The following SVEP1 variants were observed in gnomAD, a reference collection of about 807,000 sequenced individuals.
SVEP1 encodes sushi, von Willebrand factor type A, EGF and pentraxin domain-containing protein 1.
Under a neutral mutation model 367.3 loss-of-function variants are expected in SVEP1, and 164 were observed. The observed-to-expected ratio is 0.45, with a 90% CI of 0.39 to 0.51. The LOEUF is 0.51. SVEP1 is among the 20% of genes least tolerant of loss of function. The pLI, the probability that SVEP1 is intolerant of heterozygous loss-of-function variation, is 0.00. For synonymous variants in SVEP1, 1,666 were observed against 1,611.6 expected (o/e 1.03, Z -0.81); for missense variants, 4,117 against 4,425.3 (o/e 0.93, Z 1.98).
chr9:110,404,664 ATTGATTGT>A (rs1452934868), intron 38 of SVEP1, 112 bp from the exon 39 acceptor site: 1 of 978,336 alleles, frequency 1.0e-6, no homozygotes, highest in Non-Finnish European at 1.6e-6. Context: ...TGTGCAACAT[ATTGATTGT>A]TGCACAATCA....
At chr9:110,492,077 A>G (rs1164623380) in intron 8 of SVEP1, among the ~76,000 whole-genome samples, 1 of 151,594 alleles carries the variant, frequency 6.6e-6, no homozygotes, top group East Asian at 1.9e-4. Flanking sequence ...TGGAAATAAA[A>G]GATGTTCTTG....
chr9:110,402,980 T>C (rs941530077), intron 39 of SVEP1, among the ~76,000 whole-genome samples: 1 of 152,202 alleles, frequency 6.6e-6, no homozygotes, highest in African/African-American at 2.4e-5. Flanking sequence ...CTAGCAATTT[T>C]ATATCACATT....
chr9:110,428,247 A>G (rs1828284136), intron 35 of SVEP1, among the ~76,000 whole-genome samples: 1 of 152,092 alleles, frequency 6.6e-6, no homozygotes, highest in Non-Finnish European at 1.5e-5. Flanking sequence ...TCACATCCCT[A>G]TGCCATGGCT....
intron 18 of SVEP1, among the ~76,000 whole-genome samples, chr9:110,461,786 T>C (rs1051592518): frequency 1.3e-5 from 2 of 152,214 alleles, no homozygotes; most frequent in African/African-American, 2.4e-5. Context: ...AAAATATTTC[T>C]TGCAGGTTTG....
At chr9:110,427,878 C>T in intron 35 of SVEP1, 120 bp from the exon 36 acceptor site, 2 of 1,168,568 alleles carry the variant, frequency 1.7e-6, no homozygotes, top group East Asian at 5.0e-5. Context: ...ACAAAAATAG[C>T]ATTTCTTCAT....
chr9:110,546,049 C>T (rs528123995), intron 3 of SVEP1, 66 bp downstream of exon 3: 14 of 1,512,554 alleles, frequency 9.3e-6, no homozygotes, highest in Non-Finnish European at 1.3e-5. Context: ...TCCTTATAGC[C>T]ATTGCATTTT....
At chr9:110,567,531 G>A (rs1830506588) in intron 1 of SVEP1, among the ~76,000 whole-genome samples, 1 of 152,202 alleles carries the variant, frequency 6.6e-6, no homozygotes, top group Middle Eastern at 3.2e-3. Flanking sequence ...TCCTTTCTGT[G>A]TTTGTGGACT....
rs1315265604 is a variant in SVEP1 at position 110,411,190 on chromosome 9, T to C, written c.6521A>G (p.Lys2174Arg). 2 of 1,614,036 alleles carry C rather than the reference T, an allele frequency of 1.2e-6. No homozygotes were observed. Among genetic ancestry groups the C allele is most frequent in the Admixed American group, 3.3e-5 (2 of 60,026 alleles). The part of the protein sequence containing the change: ...FGAMVAYSCN[K>R]GFYIKGEKKS... ...CTTTTCCCCTTTGATGTAGAACCCC[T>C]TGTTGCAGCTGTAAGCCACCATGGC... is the stretch of plus-strand genomic sequence containing the variant. The change falls in exon 37 of 48, where the codon AAG becomes AGG. Residue 2174 changes from lysine to arginine, a missense_variant. Coordinates refer to ENST00000374469, the MANE Select transcript of SVEP1 (RefSeq NM_153366.4).
intron 9 of SVEP1, among the ~76,000 whole-genome samples, chr9:110,485,215 A>G (rs12115247): frequency 0.028 from 4,297 of 152,330 alleles, 194 homozygotes; most frequent in African/African-American, 0.098. Context: ...CTGGATAAAG[A>G]AATTGTGGTA....
At chr9:110,518,715 G>C (rs779123266) in intron 3 of SVEP1, among the ~76,000 whole-genome samples, 10 of 151,990 alleles carry the variant, frequency 6.6e-5, no homozygotes, top group Admixed American at 2.0e-4. Context: ...ATGTTCTTTG[G>C]TTCTTATTCC....
intron 5 of SVEP1, among the ~76,000 whole-genome samples, chr9:110,510,751 G>A (rs1006823924): frequency 2.0e-5 from 3 of 152,208 alleles, no homozygotes; most frequent in African/African-American, 4.8e-5. Flanking sequence ...AAGTTAAAAT[G>A]TAATATTTCC....
At chr9:110,366,828 CTCTT>C (rs1646763350) in intron 47 of SVEP1, among the ~76,000 whole-genome samples, 1 of 152,188 alleles carries the variant, frequency 6.6e-6, no homozygotes, top group Non-Finnish European at 1.5e-5. Context: ...TTACAATTCT[CTCTT>C]CTGTAAAATG....
chr9:110,576,214 G>C (rs1830625144), intron 1 of SVEP1, among the ~76,000 whole-genome samples: 1 of 149,586 alleles, frequency 6.7e-6, no homozygotes, highest in African/African-American at 2.5e-5. Context: ...TAAATACATA[G>C]TAATAGGTAG....
At chr9:110,366,640 A>C in intron 47 of SVEP1, 80 bp from the exon 48 acceptor site, 2 of 1,407,114 alleles carry the variant, frequency 1.4e-6, no homozygotes. Context: ...TTAGGAGTTG[A>C]TGAAAACAGG....
Position 110,499,050 on chromosome 9 carries a change from C to T in SVEP1, c.1672G>A (p.Val558Met), listed in dbSNP as rs980843554. Residue 558 changes from valine to methionine, a missense_variant, in exon 7 of 48, where the codon GTG (valine) becomes ATG (methionine). By Grantham distance (21) the Val-to-Met change is conservative. Transcript: ENST00000374469. The part of the protein sequence containing the change: ...GKWNVGVQAA[V>M]CKDVEAPQIN... The stretch of plus-strand genomic sequence containing the variant: ...TAGTGTAGAGACCTACCTTTACACA[C>T]AGCTGCCTGAACTCCGACATTCCAT... The T allele has an allele frequency of 6.2e-7, 1 of 1,613,190 alleles. No individual in the cohort carries two copies.
In SVEP1 at chr9:110,489,774, T is replaced by A; in HGVS notation, c.1806A>T (p.Ser602=). ...GGGTGAAAGCTGGATGAACGTGGAC[T>A]GACACCTATTGGAGATACACAAATA... ...TAKDNSGEKV[S]VHVHPAFTPP... is the part of the protein sequence containing the mutation. Residue 602 remains serine (S), a synonymous_variant, in exon 9 of 48, where the codon TCA becomes TCT. Coordinates refer to ENST00000374469, the MANE Select transcript of SVEP1 (RefSeq NM_153366.4). 6 of 1,611,538 alleles carry A rather than the reference T, an allele frequency of 3.7e-6. No homozygotes were observed. Among genetic ancestry groups the A allele is most frequent in the Non-Finnish European group, 5.1e-6 (6 of 1,178,792 alleles).
intron 40 of SVEP1, among the ~76,000 whole-genome samples, chr9:110,390,350 CTT>C (rs1491255219): frequency 1.2e-4 from 3 of 25,250 alleles, no homozygotes; most frequent in East Asian, 6.9e-4. Flanking sequence ...CTTATATACA[CTT>C]ATATATATAT....
At chr9:110,484,612 C>T (rs1165881912) in intron 9 of SVEP1, among the ~76,000 whole-genome samples, 2 of 151,996 alleles carry the variant, frequency 1.3e-5, no homozygotes. Flanking sequence ...TTAAACTAAA[C>T]AGCTTCTGCA....
At chr9:110,566,154 C>T (rs1243504770) in intron 1 of SVEP1, among the ~76,000 whole-genome samples, 3 of 150,886 alleles carry the variant, frequency 2.0e-5, no homozygotes, top group Non-Finnish European at 3.0e-5. Flanking sequence ...CACATCTCTA[C>T]AAAAAAATAC....
Sources: gnomAD v4.1 joint callset for allele counts (sites outside exome capture counted in the v4.1 genomes callset) on GRCh38, gnomAD v4.1.1 for gene constraint, MANE v1.5 for transcripts, NCBI Gene and HGNC (gene_info 2026-07-23, HGNC 2026-07-21) for gene names.